Variants in SBF2 observed in about 807,000 individuals in gnomAD.
SBF2 encodes SET binding factor 2, also known as myotubularin-related protein 13.
A neutral mutation model predicts 225.2 loss-of-function variants in SBF2; 112 were observed. The observed-to-expected ratio is 0.50, with a 90% CI of 0.43 to 0.58. The LOEUF (loss-of-function observed/expected upper bound fraction) is 0.58. Among genes scored for constraint, SBF2 ranks in the 20% least tolerant of loss-of-function variants. The pLI, the probability that SBF2 is intolerant of heterozygous loss-of-function variation, is 0.00. For synonymous variants in SBF2, 763 were observed against 773.3 expected, an observed-to-expected ratio of 0.99 and a Z score of 0.22; for missense variants, 1,996 against 2,206.2, an observed-to-expected ratio of 0.90 and a Z score of 1.91.
Position 9,816,123 on chromosome 11 carries a change from A to G in SBF2, c.3978+717T>C, listed in dbSNP as rs998742821. Among the ~76,000 whole-genome samples, 10 of 152,236 alleles carry G rather than the reference A, an allele frequency of 6.6e-5. No homozygotes were observed. The East Asian group carries it at 1.9e-3, about 29-fold the overall frequency. On this transcript the variant is annotated intron_variant, in intron 29 of 39. Transcript: ENST00000256190. ...ATGTCCTATATACCTACTGGTAGTA[A>G]TGAAATTTATTTTGTAATGTGTGAC...
At chr11:10,025,453 T>G (rs992703115) in intron 6 of SBF2, among the ~76,000 whole-genome samples, 3 of 152,144 alleles carry the variant, frequency 2.0e-5, no homozygotes, top group Admixed American at 6.5e-5. Flanking sequence ...TCGATAGTAC[T>G]GATCAGCTTC....
At position 9,869,565 on chromosome 11, in the gene SBF2, G is replaced by A. The variant is rs1012139528; in HGVS notation, c.1930-11169C>T. On this transcript the variant is annotated intron_variant, in intron 17 of 39. Coordinates refer to ENST00000256190, the MANE Select transcript of SBF2 (RefSeq NM_030962.4). ...GTTCAACATATGCAGATCAATAAAT[G>A]TGATATATCTCATAAACAGAACTAA... is the stretch of plus-strand genomic sequence containing the variant. Among the ~76,000 whole-genome samples the A allele has an allele frequency of 2.6e-5, 4 of 152,110 alleles. No individual in the cohort carries two copies. In the South Asian group the frequency reaches 6.2e-4, roughly 24 times the overall value.
chr11:10,024,293 T>C (rs1039468720), intron 6 of SBF2, among the ~76,000 whole-genome samples: 1 of 152,036 alleles, frequency 6.6e-6, no homozygotes, highest in Non-Finnish European at 1.5e-5. Context: ...ATAAAATGGC[T>C]ATGAACATTC....
chr11:9,980,632 G>A (rs1946912125), intron 13 of SBF2, among the ~76,000 whole-genome samples: 1 of 151,602 alleles, frequency 6.6e-6, no homozygotes, highest in Admixed American at 6.6e-5. Context: ...TGTTGCCCAG[G>A]CTGGAGTGCA....
intron 13 of SBF2, among the ~76,000 whole-genome samples, chr11:9,984,519 T>C (rs951620048): frequency 1.3e-5 from 2 of 152,084 alleles, no homozygotes; most frequent in African/African-American, 4.8e-5. Flanking sequence ...GGGGAATAAT[T>C]GAGGAAAACA....
intron 16 of SBF2, among the ~76,000 whole-genome samples, chr11:9,908,448 A>AC (rs1165384053): frequency 1.3e-5 from 2 of 151,834 alleles, no homozygotes; most frequent in African/African-American, 4.8e-5. Context: ...ACACGGTGAA[A>AC]CCCCGTCTCT....
intron 17 of SBF2, among the ~76,000 whole-genome samples, chr11:9,866,990 A>G (rs529025679): frequency 6.6e-6 from 1 of 152,284 alleles, no homozygotes. Flanking sequence ...GCATCACTAA[A>G]CATCAGGGAA....
At chr11:10,041,130 A>T (rs1471148119) in intron 3 of SBF2, among the ~76,000 whole-genome samples, 2 of 152,116 alleles carry the variant, frequency 1.3e-5, no homozygotes, top group Non-Finnish European at 2.9e-5. Flanking sequence ...AAGAATATGG[A>T]AATAACAGAA....
chr11:10,186,690 C>G (rs557321367), intron 2 of SBF2, among the ~76,000 whole-genome samples: 2 of 152,172 alleles, frequency 1.3e-5, no homozygotes, highest in Non-Finnish European at 2.9e-5. Context: ...TCTCTCTCCC[C>G]ACTGGGGGTG....
chr11:10,222,296 G>T (rs1454599811), intron 1 of SBF2, among the ~76,000 whole-genome samples: 1 of 152,092 alleles, frequency 6.6e-6, no homozygotes, highest in Non-Finnish European at 1.5e-5. Context: ...AAGACAAAAG[G>T]AAACCAATAG....
chr11:10,089,605 G>T (rs1951702998), intron 2 of SBF2, among the ~76,000 whole-genome samples: 1 of 151,988 alleles, frequency 6.6e-6, no homozygotes, highest in African/African-American at 2.4e-5. Context: ...AACAAATATT[G>T]TATGTATACA....
chr11:9,884,916 C>T (rs1172024111), intron 17 of SBF2, among the ~76,000 whole-genome samples: 3 of 152,076 alleles, frequency 2.0e-5, no homozygotes, highest in Non-Finnish European at 4.4e-5. Flanking sequence ...GGCAGTAAAT[C>T]CATAAACCAA....
At chr11:9,984,237 A>G (rs916799521) in intron 13 of SBF2, among the ~76,000 whole-genome samples, 2 of 152,196 alleles carry the variant, frequency 1.3e-5, no homozygotes, top group Non-Finnish European at 2.9e-5. Flanking sequence ...AGAGAAAACA[A>G]TAAAAAATTC....
chr11:9,964,970 A>T (rs1387706820), intron 14 of SBF2, among the ~76,000 whole-genome samples: 2 of 152,146 alleles, frequency 1.3e-5, no homozygotes. Flanking sequence ...TCCATCAACC[A>T]AAATGATGTA....
intron 2 of SBF2, among the ~76,000 whole-genome samples, chr11:10,133,974 G>C (rs945213263): frequency 6.6e-6 from 1 of 152,220 alleles, no homozygotes; most frequent in African/African-American, 2.4e-5. Flanking sequence ...CTTACGTAAA[G>C]CTTCTGAATT....
chr11:9,859,521 G>C (rs1857557533), intron 17 of SBF2, among the ~76,000 whole-genome samples: 1 of 151,918 alleles, frequency 6.6e-6, no homozygotes, highest in Admixed American at 6.6e-5. Context: ...ACATTTTTTG[G>C]CCCATTTTAT....
At chr11:10,070,118 C>G (rs183960922) in intron 2 of SBF2, among the ~76,000 whole-genome samples, 16 of 152,274 alleles carry the variant, frequency 1.1e-4, no homozygotes, top group Admixed American at 9.8e-4. Flanking sequence ...CCTGTTCACT[C>G]TGATGGTAGT....
At chr11:9,903,048 G>A (rs559932210) in intron 16 of SBF2, among the ~76,000 whole-genome samples, 8 of 152,198 alleles carry the variant, frequency 5.3e-5, no homozygotes, top group East Asian at 1.9e-4. Flanking sequence ...TTGGCCGTGC[G>A]CGGTGACTCA....
chr11:9,900,900 C>G (rs1283209156), intron 16 of SBF2, among the ~76,000 whole-genome samples: 1 of 152,024 alleles, frequency 6.6e-6, no homozygotes, highest in East Asian at 1.9e-4. Context: ...CCGCACCCAG[C>G]TAATTTTTAA....
Sources: allele counts gnomAD v4.1 joint callset (sites outside exome capture counted in the v4.1 genomes callset), GRCh38; gene constraint gnomAD v4.1.1; transcripts MANE v1.5; gene names NCBI Gene and HGNC (gene_info 2026-07-23, HGNC 2026-07-21).